The following UGGT2 variants were observed in gnomAD, a reference collection of about 807,000 sequenced individuals.
UGGT2 encodes UDP-glucose glycoprotein glucosyltransferase 2, also known as UDP-glucose:glycoprotein glucosyltransferase 2.
UGGT2 carries 180 observed loss-of-function variants against 192.1 expected under a neutral mutation model. That is an observed-to-expected ratio of 0.94 (90% CI 0.83 to 1.06). UGGT2 has a LOEUF of 1.06. Ranked by LOEUF, UGGT2 falls within the 50% of genes least tolerant of loss-of-function variation. The pLI, the probability that UGGT2 is intolerant of heterozygous loss-of-function variation, is 0.00. For missense variants in UGGT2, 1,849 were observed against 1,795.7 expected (o/e 1.03, Z -0.54); for synonymous variants, 580 against 591.0 (o/e 0.98, Z 0.27).
intron 17 of UGGT2, among the ~76,000 whole-genome samples, chr13:95,932,599 T>C (rs1199731812): frequency 6.6e-6 from 1 of 152,150 alleles, no homozygotes; most frequent in Non-Finnish European, 1.5e-5. Flanking sequence ...TGCTCTTGCC[T>C]GATTGCTCTA....
intron 7 of UGGT2, among the ~76,000 whole-genome samples, chr13:95,993,505 C>T (rs998503965): frequency 2.0e-5 from 3 of 152,122 alleles, no homozygotes; most frequent in Admixed American, 1.3e-4. Flanking sequence ...GAGAAAAGAA[C>T]TATAAATTCC....
chr13:95,906,506 C>T (rs1287574047), intron 20 of UGGT2, among the ~76,000 whole-genome samples: 1 of 151,956 alleles, frequency 6.6e-6, no homozygotes, highest in African/African-American at 2.4e-5. Context: ...CCAACATATG[C>T]ATTATAGAAG....
At chr13:95,933,532 A>G (rs959171585) in intron 17 of UGGT2, among the ~76,000 whole-genome samples, 5 of 152,012 alleles carry the variant, frequency 3.3e-5, no homozygotes, top group Admixed American at 1.3e-4. Flanking sequence ...TTCATTGTAT[A>G]AATTTTTGGG....
chr13:96,004,623 T>C (rs529161207), intron 5 of UGGT2, among the ~76,000 whole-genome samples: 5 of 151,844 alleles, frequency 3.3e-5, no homozygotes, highest in Non-Finnish European at 7.4e-5. Context: ...GCTGGTGCGC[T>C]GCACCCACTA....
At chr13:95,883,772 AAC>A (rs2140192911) in intron 27 of UGGT2, among the ~76,000 whole-genome samples, 1 of 152,302 alleles carries the variant, frequency 6.6e-6, no homozygotes. Context: ...GCAGTGTGAA[AAC>A]AGACTACCAC....
intron 15 of UGGT2, among the ~76,000 whole-genome samples, chr13:95,941,237 G>A (rs1288462348): frequency 6.6e-6 from 1 of 152,136 alleles, no homozygotes; most frequent in Non-Finnish European, 1.5e-5. Flanking sequence ...ATTGCTTTTG[G>A]TCCCAATTTA....
chr13:95,918,122 G>A (rs1470211208), intron 20 of UGGT2, among the ~76,000 whole-genome samples: 1 of 152,038 alleles, frequency 6.6e-6, no homozygotes, highest in East Asian at 1.9e-4. Flanking sequence ...CTCTAAAATC[G>A]ATCACATAAT....
intron 36 of UGGT2, among the ~76,000 whole-genome samples, chr13:95,849,485 G>A (rs1888802766): frequency 6.7e-6 from 1 of 150,198 alleles, no homozygotes; most frequent in African/African-American, 2.5e-5. Flanking sequence ...GGAGCTTGCA[G>A]TGAGCCAAGA....
At position 96,013,459 on chromosome 13, in the gene UGGT2, C is replaced by T. The variant is rs753532489; in HGVS notation, c.508G>A (p.Gly170Arg). ...TTGTTTGTAGGAAATTTGTGATCTCCTTTAAATAGATAAGGTCTAGTCCTA... is the reference window on the plus strand; with the variant it reads ...TTGTTTGTAGGAAATTTGTGATCTCTTTTAAATAGATAAGGTCTAGTCCTA... The part of the protein sequence containing the change: ...ASRTRPYLFK[G>R]DHKFPTNKEN... The change falls in exon 5 of 39, where the codon GGA becomes AGA. Residue 170 changes from glycine (G) to arginine (R), a missense_variant. Transcript: ENST00000376747. 6.3e-7 allele frequency: 1 copy of T among 1,584,564 alleles called. No homozygotes were observed. Among genetic ancestry groups the T allele is most frequent in the Non-Finnish European group, 8.5e-7 (1 of 1,169,984 alleles).
Position 96,006,403 on chromosome 13 carries a change from T to C in UGGT2, c.660+6904A>G, listed in dbSNP as rs552462020. Among the ~76,000 whole-genome samples the C allele has an allele frequency of 1.2e-4, 19 of 152,116 alleles. No individual in the cohort carries two copies. The South Asian group carries it at 1.9e-3, about 15-fold the overall frequency. On this transcript the variant is annotated intron_variant, in intron 5 of 38. Coordinates refer to ENST00000376747, the MANE Select transcript of UGGT2 (RefSeq NM_020121.4). The stretch of plus-strand genomic sequence containing the variant: ...ACTATGGGAGGCTGAGGTGGATGGA[T>C]TGCCTGGGGTCAGGAGTTCGAGACC...
Position 95,877,737 on chromosome 13 carries a change from A to AT in UGGT2, c.3347dup (p.Asn1116LysfsTer2). ...CTATTGTATCAACCACAGCAGGTTTATTTTTTGTGCCTAGTGTGAACTGCA... is the reference window on the plus strand; with the variant it reads ...CTATTGTATCAACCACAGCAGGTTTATTTTTTTGTGCCTAGTGTGAACTGCA... On this transcript the variant is annotated frameshift_variant, in exon 28 of 39. Coordinates refer to ENST00000376747, the MANE Select transcript of UGGT2 (RefSeq NM_020121.4). LOFTEE classifies it high-confidence loss of function. 1.2e-6 allele frequency: 2 copies of AT among 1,613,984 alleles called. No homozygotes were observed. Among genetic ancestry groups the AT allele is most frequent in the South Asian group, 2.2e-5 (2 of 91,056 alleles).
rs1464905690 is a variant in UGGT2, at chr13:95,854,359, T to C, written c.4125A>G (p.Thr1375=). ...TTAAAAGATGTGATGCCCAGTATCCTGTTTTCCAGAAACGATATCCATCCA... is the reference window on the plus strand; with the variant it reads ...TTAAAAGATGTGATGCCCAGTATCCCGTTTTCCAGAAACGATATCCATCCA... ...REMDGYRFWK[T]GYWASHLLRR... is the part of the protein sequence containing the mutation. Residue 1375 remains threonine, a synonymous_variant, in exon 35 of 39, where the codon ACA becomes ACG. Coordinates refer to ENST00000376747, the MANE Select transcript of UGGT2 (RefSeq NM_020121.4). The C allele has an allele frequency of 6.2e-7, 1 of 1,613,744 alleles. No homozygotes were observed. The highest frequency in any genetic ancestry group is 8.5e-7 in the Non-Finnish European group (1 of 1,179,868).
chr13:95,980,713 T>C (rs1043743537), intron 10 of UGGT2, among the ~76,000 whole-genome samples: 1 of 152,224 alleles, frequency 6.6e-6, no homozygotes, highest in Non-Finnish European at 1.5e-5. Context: ...CCACAGTGTG[T>C]GCTCTTCAGA....
intron 20 of UGGT2, among the ~76,000 whole-genome samples, chr13:95,919,662 C>T (rs2048787262): frequency 6.6e-6 from 1 of 152,094 alleles, no homozygotes; most frequent in South Asian, 2.1e-4. Flanking sequence ...TATAGAATCT[C>T]TTCAAGGAGA....
chr13:95,905,442 A>T (rs1467096037), intron 20 of UGGT2, among the ~76,000 whole-genome samples: 1 of 151,986 alleles, frequency 6.6e-6, no homozygotes, highest in Non-Finnish European at 1.5e-5. Context: ...CTAACGTTTA[A>T]GTCTTTAATC....
intron 36 of UGGT2, among the ~76,000 whole-genome samples, chr13:95,838,526 C>G (rs1428567064): frequency 6.6e-6 from 1 of 152,098 alleles, no homozygotes; most frequent in Non-Finnish European, 1.5e-5. Context: ...AGGGCTGACA[C>G]TACCACACTT....
chr13:95,872,015 C>T (rs903387883), intron 29 of UGGT2, among the ~76,000 whole-genome samples: 3 of 152,092 alleles, frequency 2.0e-5, no homozygotes, highest in Admixed American at 6.6e-5. Flanking sequence ...AGGTACCAAA[C>T]TAAAATTGAT....
At chr13:95,912,183 G>C (rs1246777375) in intron 20 of UGGT2, among the ~76,000 whole-genome samples, 1 of 151,998 alleles carries the variant, frequency 6.6e-6, no homozygotes, top group Non-Finnish European at 1.5e-5. Flanking sequence ...GCACAAGACA[G>C]GGATGCTCTC....
chr13:95,913,984 C>A (rs75789397), intron 20 of UGGT2, among the ~76,000 whole-genome samples: 1 of 151,756 alleles, frequency 6.6e-6, no homozygotes, highest in African/African-American at 2.4e-5. Context: ...ACTATAAGGA[C>A]GGAAAACCAA....
Sources: gnomAD v4.1 joint callset for allele counts (sites outside exome capture counted in the v4.1 genomes callset) on GRCh38, gnomAD v4.1.1 for gene constraint, MANE v1.5 for transcripts, NCBI Gene and HGNC (gene_info 2026-07-23, HGNC 2026-07-21) for gene names.